The following ACTN4 variants were observed in gnomAD, a reference collection of about 807,000 sequenced individuals.
The protein encoded by ACTN4 is alpha-actinin-4.
ACTN4 carries 18 observed loss-of-function variants against 114.2 expected under a neutral mutation model. That is an observed-to-expected ratio of 0.16 (90% CI 0.11 to 0.23). The LOEUF (loss-of-function observed/expected upper bound fraction) is 0.23, where lower values mean the gene tolerates loss of function less well. ACTN4 is among the 10% of genes least tolerant of loss of function. The pLI is 1.00. For synonymous variants in ACTN4, 515 were observed against 506.3 expected, an observed-to-expected ratio of 1.02 and a Z score of -0.23; for missense variants, 722 against 1,262.9, an observed-to-expected ratio of 0.57 and a Z score of 6.49.
intron 1 of ACTN4, among the ~76,000 whole-genome samples, chr19:38,650,187 C>G (rs1976517240): frequency 6.6e-6 from 1 of 151,936 alleles, no homozygotes; most frequent in African/African-American, 2.4e-5. Flanking sequence ...CCTTTTTTCT[C>G]AGGTGATAAG....
chr19:38,728,143 C>T (rs1162890739), intron 19 of ACTN4, 117 bp downstream of exon 19: 6 of 1,369,010 alleles, frequency 4.4e-6, no homozygotes, highest in Non-Finnish European at 6.1e-6. Flanking sequence ...TCTCATGGCT[C>T]TCTTGCCTCC....
intron 19 of ACTN4, 65 bp from the exon 20 acceptor site, chr19:38,728,931 T>G (rs1246988639): frequency 1.9e-6 from 3 of 1,591,316 alleles, no homozygotes; most frequent in Non-Finnish European, 2.6e-6. Context: ...ACCCCACCAG[T>G]GTGGGCCTGG....
chr19:38,703,426 C>T (rs1186925910), intron 3 of ACTN4, among the ~76,000 whole-genome samples: 3 of 151,988 alleles, frequency 2.0e-5, no homozygotes, highest in East Asian at 1.9e-4. Flanking sequence ...TTAGTAGAGA[C>T]GGGGCTTCAC....
At chr19:38,728,273 T>C (rs1969316056) in intron 19 of ACTN4, 1 of 1,534,730 alleles carries the variant, frequency 6.5e-7, no homozygotes, top group African/African-American at 1.4e-5. Flanking sequence ...TCTTGCCTAC[T>C]CTGGGCCCGG....
chr19:38,729,511 CTG>C lies in ACTN4; in HGVS notation c.*81_*82del, dbSNP rs771962927. 2.1e-5 allele frequency: 29 copies of C among 1,364,870 alleles called. No individual in the cohort carries two copies. In the Admixed American group the frequency reaches 3.3e-4, roughly 15 times the overall value. The allele number at this position is 1,364,870 out of a possible 1,614,324, so 84.5% of individuals were successfully genotyped here. A position where few individuals can be genotyped will look rare whatever the true frequency, so the allele number is the denominator to read the frequency against. ...AGCCCCACAGTCCCATTCCTCCACTCTGTATCTATGCAAAGCACTCTCTGCAG... is the reference window on the plus strand; with the variant it reads ...AGCCCCACAGTCCCATTCCTCCACTCTATCTATGCAAAGCACTCTCTGCAG... On this transcript the variant is annotated 3_prime_UTR_variant, in exon 21 of 21. Transcript: ENST00000252699.
At chr19:38,708,768 G>C (rs1429950234) in intron 6 of ACTN4, among the ~76,000 whole-genome samples, 2 of 152,254 alleles carry the variant, frequency 1.3e-5, no homozygotes, top group Non-Finnish European at 2.9e-5. Flanking sequence ...GAGGAGGCTA[G>C]TGTACCCCGA....
intron 1 of ACTN4, among the ~76,000 whole-genome samples, chr19:38,655,808 G>A (rs1186578505): frequency 1.3e-5 from 2 of 152,140 alleles, no homozygotes; most frequent in Non-Finnish European, 2.9e-5. Context: ...AAGATAAAAC[G>A]ATGTGTAATT....
At position 38,730,301 on chromosome 19, in the gene ACTN4, T is replaced by TTCTC. The variant is rs1178412627; in HGVS notation, c.*871_*874dup. 2 of 163,270 alleles carry TTCTC rather than the reference T, an allele frequency of 1.2e-5. No individual in the cohort carries two copies. The highest frequency in any genetic ancestry group is 4.8e-5 in the African/African-American group (2 of 41,480). 10.1% of individuals were successfully genotyped at this position (163,270 alleles called of 1,614,324 possible). On this transcript the variant is annotated 3_prime_UTR_variant, in exon 21 of 21. Coordinates refer to ENST00000252699, the MANE Select transcript of ACTN4 (RefSeq NM_004924.6). ...GCTCTCATAATGAAGACATAGCCGA[T>TTCTC]TCTCTGCCCGGGCCCCTTGCTGATG...
intron 1 of ACTN4, among the ~76,000 whole-genome samples, chr19:38,659,763 C>T (rs80033463): frequency 3.3e-5 from 5 of 152,142 alleles, no homozygotes; most frequent in African/African-American, 1.2e-4. Flanking sequence ...AAACATGAGA[C>T]TTCTGAGCAG....
At chr19:38,720,735 G>A (rs770755209) in intron 11 of ACTN4, among the ~76,000 whole-genome samples, 2 of 152,250 alleles carry the variant, frequency 1.3e-5, no homozygotes, top group Admixed American at 6.5e-5. Flanking sequence ...GAGAGGCCTC[G>A]GTGGCTGCAC....
intron 1 of ACTN4, among the ~76,000 whole-genome samples, chr19:38,658,916 T>C (rs1976789119): frequency 6.6e-6 from 1 of 152,128 alleles, no homozygotes; most frequent in African/African-American, 2.4e-5. Context: ...TAAATGTCTT[T>C]TTCAAGAATG....
At chr19:38,693,220 C>T (rs1313670781) in intron 1 of ACTN4, among the ~76,000 whole-genome samples, 1 of 151,882 alleles carries the variant, frequency 6.6e-6, no homozygotes, top group Non-Finnish European at 1.5e-5. Flanking sequence ...GAGAGTGAAG[C>T]CTGCGATCCA....
intron 1 of ACTN4, among the ~76,000 whole-genome samples, chr19:38,677,820 G>A (rs949151003): frequency 3.9e-5 from 6 of 152,050 alleles, no homozygotes; most frequent in South Asian, 2.1e-4. Context: ...CCTACCTCCC[G>A]GGTTGAAGTG....
intron 1 of ACTN4, among the ~76,000 whole-genome samples, chr19:38,681,869 T>C (rs117202080): frequency 0.025 from 3,818 of 152,288 alleles, 80 homozygotes; most frequent in Admixed American, 0.06. Flanking sequence ...CTTGCTCTGT[T>C]GGTCAGGCTG....
chr19:38,651,769 C>T (rs887754403), intron 1 of ACTN4, among the ~76,000 whole-genome samples: 2 of 151,986 alleles, frequency 1.3e-5, no homozygotes, highest in African/African-American at 2.4e-5. Flanking sequence ...CAGAGCCTCA[C>T]TCTGTCACCA....
chr19:38,729,337 G>C lies in ACTN4; in HGVS notation c.2641G>C (p.Ala881Pro). Reference protein sequence around the residue: ...LPPDQAEYCIARMAPYQGPDA... With the variant: ...LPPDQAEYCIPRMAPYQGPDA... ...CCCCGACCAGGCCGAGTACTGCATCGCCCGCATGGCGCCATACCAGGGCCC... is the reference window on the plus strand; with the variant it reads ...CCCCGACCAGGCCGAGTACTGCATCCCCCGCATGGCGCCATACCAGGGCCC... Residue 881 changes from alanine (A) to proline (P), a missense_variant, in exon 21 of 21, where the codon GCC becomes CCC. Physicochemically the swap from Ala to Pro is conservative, Grantham distance 27 (BLOSUM62 -1). This residue lies in a region of ACTN4 where 523 missense variants were observed against 875.9 expected (regional missense o/e 0.60). Transcript: ENST00000252699. The C allele has an allele frequency of 6.2e-7, 1 of 1,612,874 alleles. No individual in the cohort carries two copies. Among genetic ancestry groups the C allele is most frequent in the South Asian group, 1.1e-5 (1 of 91,078 alleles).
At position 38,724,662 on chromosome 19, in the gene ACTN4, G is replaced by A. The variant is rs143061495; in HGVS notation, c.2010+97G>A. The A allele has an allele frequency of 1.9e-4, 297 of 1,578,638 alleles. No homozygotes were observed. The highest frequency in any genetic ancestry group is 2.4e-4 in the Non-Finnish European group (282 of 1,160,604). On this transcript the variant is annotated intron_variant, in intron 16 of 20. Transcript: ENST00000252699. The surrounding 1 kb of genome is among the most constrained non-coding windows in gnomAD (Gnocchi z 7.0). ...CAGCCCAGGGCCTGCAGACTGAGGC[G>A]CCTGGCAGAGCAGGTCCCAATTCTC...
intron 1 of ACTN4, among the ~76,000 whole-genome samples, chr19:38,692,852 G>A (rs998573101): frequency 3.3e-5 from 5 of 152,172 alleles, no homozygotes; most frequent in African/African-American, 1.2e-4. Context: ...CAGCAGGCAA[G>A]GTGGAAGTTC....
At chr19:38,706,273 A>G (rs1003779231) in intron 5 of ACTN4, 142 bp downstream of exon 5, 26 of 858,902 alleles carry the variant, frequency 3.0e-5, no homozygotes, top group Non-Finnish European at 4.9e-5. Context: ...GGGCCCTACA[A>G]GCCCATGGGA....
Sources: allele counts gnomAD v4.1 joint callset (sites outside exome capture counted in the v4.1 genomes callset), GRCh38; gene constraint gnomAD v4.1.1; regional missense constraint gnomAD v4.1.1; non-coding constraint Gnocchi (gnomAD v3.1); transcripts MANE v1.5; gene names NCBI Gene and HGNC (gene_info 2026-07-23, HGNC 2026-07-21).